The following SNRK variants were observed in gnomAD, a reference collection of about 807,000 sequenced individuals.
SNRK encodes the protein SNF related kinase.
In SNRK, 3 loss-of-function variants were observed where a neutral mutation model predicts 48.2. The observed-to-expected ratio is 0.06, with a 90% CI of 0.03 to 0.16. SNRK has a LOEUF of 0.16. Among genes scored for constraint, SNRK ranks in the 10% least tolerant of loss-of-function variants. The pLI is 1.00. For synonymous variants in SNRK, 376 were observed against 366.1 expected (o/e 1.03, Z -0.31); for missense variants, 627 against 976.0 (o/e 0.64, Z 4.76).
chr3:43,322,951 C>CAAAAAAAAAAAAAAAAAAAA lies in SNRK; in HGVS notation c.590-9203_590-9202insAAAAAAAAAAAAAAAAAAAA, dbSNP rs55847039. On this transcript the variant is annotated intron_variant, in intron 3 of 6. Transcript: ENST00000296088. ...TGCGCGACAGAGTAAGACTCCGTCT[C>CAAAAAAAAAAAAAAAAAAAA]AAAAAAAAAAAAAAAGACTGTATTG... is the stretch of plus-strand genomic sequence containing the variant. Among the ~76,000 whole-genome samples, 24 of 72,634 alleles carry CAAAAAAAAAAAAAAAAAAAA rather than the reference C, an allele frequency of 3.3e-4. 2 individuals are homozygous for CAAAAAAAAAAAAAAAAAAAA. Among genetic ancestry groups the CAAAAAAAAAAAAAAAAAAAA allele is most frequent in the African/African-American group, 1.3e-3 (22 of 16,770 alleles). 47.7% of individuals were successfully genotyped at this position (72,634 alleles called of 152,430 possible).
chr3:43,348,166 CCT>C lies in SNRK; in HGVS notation c.1911_1912del (p.Arg638GlnfsTer7). Reference sequence around the variant, plus strand: ...GGCCCCAGCAACTCCATGCAGCTGGCCTCTCGCAGTGCTGGGGAGCTCGTTGA... The same window carrying C: ...GGCCCCAGCAACTCCATGCAGCTGGCCTCGCAGTGCTGGGGAGCTCGTTGA... On this transcript the variant is annotated frameshift_variant, in exon 7 of 7. Transcript: ENST00000296088. LOFTEE classifies it high-confidence loss of function. 1 of 1,585,850 alleles carries C rather than the reference CCT, an allele frequency of 6.3e-7. No homozygotes were observed. Among genetic ancestry groups the C allele is most frequent in the Non-Finnish European group, 8.6e-7 (1 of 1,167,172 alleles).
chr3:43,350,975 C>T lies in SNRK; in HGVS notation c.*2418C>T, dbSNP rs2091319158. ...GAGACCGAATTAAAGATAATCCCTA[C>T]CAAGTGAAAATTGATGTGTGTTAAG... On this transcript the variant is annotated 3_prime_UTR_variant, in exon 7 of 7. Transcript: ENST00000296088. The T allele has an allele frequency of 6.6e-6, 1 of 152,550 alleles. No homozygotes were observed. Among genetic ancestry groups the T allele is most frequent in the African/African-American group, 2.4e-5 (1 of 41,408 alleles). The allele number at this position is 152,550 out of a possible 1,614,324, so 9.4% of individuals were successfully genotyped here.
At chr3:43,337,620 A>G (rs1187839576) in intron 4 of SNRK, among the ~76,000 whole-genome samples, 2 of 152,162 alleles carry the variant, frequency 1.3e-5, no homozygotes, top group African/African-American at 4.8e-5. Context: ...TACTGCTACA[A>G]AGAACTGCTG....
intron 6 of SNRK, among the ~76,000 whole-genome samples, chr3:43,343,889 A>G (rs947573643): frequency 1.3e-5 from 2 of 152,202 alleles, no homozygotes; most frequent in African/African-American, 4.8e-5. Flanking sequence ...TTAAAACTAA[A>G]TAGAGTATTG....
intron 3 of SNRK, among the ~76,000 whole-genome samples, chr3:43,306,658 A>G (rs1016754751): frequency 2.0e-5 from 3 of 152,116 alleles, no homozygotes; most frequent in Non-Finnish European, 4.4e-5. Flanking sequence ...TTAGAAGACA[A>G]TTTGGCAATA....
rs1317131252 is a variant in SNRK at position 43,349,593 on chromosome 3, T to C, written c.*1036T>C. On this transcript the variant is annotated 3_prime_UTR_variant, in exon 7 of 7. Coordinates refer to ENST00000296088, the MANE Select transcript of SNRK (RefSeq NM_017719.5). ...TTTGAAATTGGCTGATGAAAAAATA[T>C]ACATAAAAGGGTAAAATTCACACAT... 3 of 152,352 alleles carry C rather than the reference T, an allele frequency of 2.0e-5. No homozygotes were observed. Among genetic ancestry groups the C allele is most frequent in the Admixed American group, 1.3e-4 (2 of 15,302 alleles). 9.4% of individuals were successfully genotyped at this position (152,352 alleles called of 1,614,324 possible).
In SNRK at chr3:43,348,375, T is replaced by G; in HGVS notation, c.2116T>G (p.Phe706Val). 1 of 1,607,660 alleles carries G rather than the reference T, an allele frequency of 6.2e-7. No individual in the cohort carries two copies. The highest frequency in any genetic ancestry group is 8.5e-7 in the Non-Finnish European group (1 of 1,177,370). The change falls in exon 7 of 7, where the codon TTT becomes GTT. Residue 706 changes from phenylalanine (F) to valine (V), a missense_variant. By Grantham distance (50) the Phe-to-Val change is conservative. This residue lies in a region of SNRK where 207 missense variants were observed against 234.3 expected (regional missense o/e 0.88). Coordinates refer to ENST00000296088, the MANE Select transcript of SNRK (RefSeq NM_017719.5). ...GGTCCCTGCAGTGGGCGGCATAAAG[T>G]TTTTCTCTGACCACATGGCAGATAC... The part of the protein sequence containing the change: ...GQVPAVGGIK[F>V]FSDHMADTTT...
chr3:43,343,529 C>A (rs543397646), intron 6 of SNRK, 51 bp downstream of exon 6: 12 of 1,541,368 alleles, frequency 7.8e-6, no homozygotes, highest in South Asian at 4.8e-5. Context: ...TTTGAAATAG[C>A]GAACTTTTTT....
At chr3:43,332,122 G>A in intron 3 of SNRK, 47 bp from the exon 4 acceptor site, 3 of 1,334,878 alleles carry the variant, frequency 2.2e-6, no homozygotes, top group Non-Finnish European at 3.0e-6. Context: ...TAATGTTTTT[G>A]GTTTTCTAAT....
At chr3:43,315,823 A>G (rs1268976947) in intron 3 of SNRK, among the ~76,000 whole-genome samples, 1 of 152,196 alleles carries the variant, frequency 6.6e-6, no homozygotes, top group Non-Finnish European at 1.5e-5. Flanking sequence ...TGTAGCACAC[A>G]CCTTCTGTCA....
At position 43,332,169 on chromosome 3, in the gene SNRK, A is replaced by G; in HGVS notation, c.590A>G (p.Asp197Gly). ...LGDEYDAPAV[D>G]IWSLGVILFM... ...TTTAAAGTATGTCTTTGATTTATAGATATTTGGAGTCTGGGAGTGATCCTT... is the reference window on the plus strand; with the variant it reads ...TTTAAAGTATGTCTTTGATTTATAGGTATTTGGAGTCTGGGAGTGATCCTT... Residue 197 changes from aspartate to glycine, a missense_variant and splice_region_variant, in exon 4 of 7, where the codon GAT (aspartate) becomes GGT (glycine). Physicochemically the swap from Asp to Gly is moderately conservative, Grantham distance 94. Around this residue, in one of 4 missense-constraint regions of SNRK, gnomAD observed 147 missense variants for 356.8 expected, o/e 0.41. Transcript: ENST00000296088. 1 of 1,548,922 alleles carries G rather than the reference A, an allele frequency of 6.5e-7. No homozygotes were observed. Among genetic ancestry groups the G allele is most frequent in the Non-Finnish European group, 8.7e-7 (1 of 1,151,722 alleles).
rs1263451494 is a variant in SNRK, at chr3:43,303,437, T to A, written c.234T>A (p.Leu78=). 1.2e-6 allele frequency: 2 copies of A among 1,614,182 alleles called. No homozygotes were observed. The highest frequency in any genetic ancestry group is 2.2e-5 in the South Asian group (2 of 91,084). ...TGCAGCATCCTAACATCGTCCGCCT[T>A]TATGAAGTTATTGACACCCAGACCA... ...KLVQHPNIVR[L]YEVIDTQTKL... Residue 78 remains leucine, a synonymous_variant, in exon 3 of 7, where the codon CTT becomes CTA. Coordinates refer to ENST00000296088, the MANE Select transcript of SNRK (RefSeq NM_017719.5). The surrounding 1 kb of genome is among the most constrained non-coding windows in gnomAD (Gnocchi z 6.2).
In SNRK at chr3:43,303,370, C is replaced by A; in HGVS notation, c.167C>A (p.Ala56Asp). The A allele has an allele frequency of 6.2e-7, 1 of 1,614,146 alleles. No individual in the cohort carries two copies. Among genetic ancestry groups the A allele is most frequent in the South Asian group, 1.1e-5 (1 of 91,084 alleles). The change falls in exon 3 of 7, where the codon GCT (alanine) becomes GAT (aspartate). Residue 56 changes from alanine (A) to aspartate (D), a missense_variant. By Grantham distance (126) the Ala-to-Asp change is moderately radical (BLOSUM62 -2). Around this residue, in one of 4 missense-constraint regions of SNRK, gnomAD observed 147 missense variants for 356.8 expected, o/e 0.41. Coordinates refer to ENST00000296088, the MANE Select transcript of SNRK (RefSeq NM_017719.5). The surrounding 1 kb of genome is among the most constrained non-coding windows in gnomAD (Gnocchi z 6.2). ...GACAAGACAAAACTGGACACTCTAG[C>A]TACTGGTCATCTTTTCCAGGAAGTG... ...VIDKTKLDTLATGHLFQEVRC... is the reference protein window; with the variant it reads ...VIDKTKLDTLDTGHLFQEVRC...
At chr3:43,341,755 G>T (rs1292845896) in intron 5 of SNRK, among the ~76,000 whole-genome samples, 1 of 152,198 alleles carries the variant, frequency 6.6e-6, no homozygotes, top group Admixed American at 6.5e-5. Flanking sequence ...GACCCCTGCT[G>T]TGTGTCTTCG....
At chr3:43,294,493 G>GT (rs904460862) in intron 1 of SNRK, among the ~76,000 whole-genome samples, 29 of 152,020 alleles carry the variant, frequency 1.9e-4, no homozygotes, top group East Asian at 1.2e-3. Context: ...TCACATGAGG[G>GT]TTTTTTTTAA....
intron 3 of SNRK, among the ~76,000 whole-genome samples, chr3:43,316,598 T>A (rs974729369): frequency 6.6e-6 from 1 of 152,188 alleles, no homozygotes; most frequent in African/African-American, 2.4e-5. Context: ...GAATATTTCT[T>A]TTTTGATGTT....
At chr3:43,300,221 T>C (rs2090888699) in intron 2 of SNRK, among the ~76,000 whole-genome samples, 1 of 152,162 alleles carries the variant, frequency 6.6e-6, no homozygotes, top group South Asian at 2.1e-4. Flanking sequence ...TATAGCTTGC[T>C]ATAGATTAAA....
chr3:43,309,721 A>G (rs894132557), intron 3 of SNRK, among the ~76,000 whole-genome samples: 2 of 151,972 alleles, frequency 1.3e-5, no homozygotes, highest in African/African-American at 4.8e-5. Flanking sequence ...GGCTCAAGCA[A>G]TCCTCGCACT....
At chr3:43,320,647 T>C (rs1453292320) in intron 3 of SNRK, among the ~76,000 whole-genome samples, 1 of 151,842 alleles carries the variant, frequency 6.6e-6, no homozygotes, top group Non-Finnish European at 1.5e-5. Context: ...CAAGCTTGTA[T>C]TGTATCAGAG....
Sources: gnomAD v4.1 joint callset for allele counts (sites outside exome capture counted in the v4.1 genomes callset) on GRCh38, gnomAD v4.1.1 for gene constraint, gnomAD v4.1.1 regional missense constraint, Gnocchi (gnomAD v3.1) non-coding constraint, MANE v1.5 for transcripts, NCBI Gene and HGNC (gene_info 2026-07-23, HGNC 2026-07-21) for gene names.